Variants in ATAD3C observed in about 807,000 individuals in gnomAD.
ATAD3C encodes the protein ATPase family AAA domain-containing protein 3C.
Under a neutral mutation model 46.3 loss-of-function variants are expected in ATAD3C, and 38 were observed. That is an observed-to-expected ratio of 0.82 (90% confidence interval 0.63 to 1.08). The LOEUF is 1.08. Among genes scored for constraint, ATAD3C ranks in the 50% least tolerant of loss-of-function variants. The pLI is 0.00. For synonymous variants in ATAD3C, 220 were observed against 236.4 expected (o/e 0.93, Z 0.63); for missense variants, 563 against 572.7 (o/e 0.98, Z 0.17).
In ATAD3C at chr1:1,455,919, G is replaced by A. The variant is rs1638954060; in HGVS notation, c.564+3G>A. 6.2e-7 allele frequency: 1 copy of A among 1,613,092 alleles called. No homozygotes were observed. The highest frequency in any genetic ancestry group is 1.1e-5 in the South Asian group (1 of 91,008). Reference sequence around the variant, plus strand: ...CCGGGAAGACGCTGTTTGCCAAGGTGAGAGTGCCTAGCTGAACAGGTGGGC... The same window carrying A: ...CCGGGAAGACGCTGTTTGCCAAGGTAAGAGTGCCTAGCTGAACAGGTGGGC... On this transcript the variant is annotated splice_donor_region_variant and intron_variant, in intron 6 of 11. Transcript: ENST00000378785.
At chr1:1,457,356 A>G (rs1638981235) in intron 8 of ATAD3C, among the ~76,000 whole-genome samples, 176 bp downstream of exon 8, 1 of 151,798 alleles carries the variant, frequency 6.6e-6, no homozygotes, top group African/African-American at 2.4e-5. Flanking sequence ...GCACTTTGGG[A>G]GGCCGAGGCA....
chr1:1,456,863 C>T lies in ATAD3C; in HGVS notation c.690-266C>T, dbSNP rs112017988. 1.6e-3 allele frequency among the ~76,000 whole-genome samples: 236 copies of T among 151,354 alleles called. 3 individuals are homozygous for T. The highest frequency in any genetic ancestry group is 5.0e-3 in the African/African-American group (206 of 40,954). On this transcript the variant is annotated intron_variant, in intron 7 of 11. Coordinates refer to ENST00000378785, the MANE Select transcript of ATAD3C (RefSeq NM_001039211.3). ...TGGCACCCTCCCCTCTGGCCTTTGACCTTTCACTTTAGAAGACCTGTCCCT... is the reference window on the plus strand; with the variant it reads ...TGGCACCCTCCCCTCTGGCCTTTGATCTTTCACTTTAGAAGACCTGTCCCT...
At position 1,462,439 on chromosome 1, in the gene ATAD3C, C is replaced by A; in HGVS notation, c.981-161C>A. On this transcript the variant is annotated intron_variant, in intron 10 of 11. Transcript: ENST00000378785. This position sits in a 1 kb window ranked among gnomAD's most constrained non-coding sequence, Gnocchi z 4.5. Reference sequence around the variant, plus strand: ...CCCTTCCTGCTCAGCCCAGGCCTGGCTTGCGTCAGGAAGGGGGCGGAACTT... The same window carrying A: ...CCCTTCCTGCTCAGCCCAGGCCTGGATTGCGTCAGGAAGGGGGCGGAACTT... The A allele has an allele frequency of 1.3e-6, 1 of 754,216 alleles. No homozygotes were observed. The highest frequency in any genetic ancestry group is 2.2e-6 in the Non-Finnish European group (1 of 455,410). 46.7% of individuals were successfully genotyped at this position (754,216 alleles called of 1,614,324 possible).
intron 9 of ATAD3C, among the ~76,000 whole-genome samples, chr1:1,460,222 G>A (rs948960441): frequency 7.9e-5 from 12 of 151,842 alleles, no homozygotes; most frequent in African/African-American, 2.9e-4. Flanking sequence ...ACAGGCGTGC[G>A]CCACCACACC....
chr1:1,461,022 C>T, intron 10 of ATAD3C, 105 bp downstream of exon 10: 1 of 1,360,010 alleles, frequency 7.4e-7, no homozygotes, highest in Non-Finnish European at 9.8e-7. Flanking sequence ...CCAGGATGGG[C>T]ACCACCTCCC....
At chr1:1,468,100 C>T (rs1478210088) in intron 11 of ATAD3C, among the ~76,000 whole-genome samples, 1 of 152,054 alleles carries the variant, frequency 6.6e-6, no homozygotes, top group African/African-American at 2.4e-5. Context: ...CTCTGGGAAG[C>T]TGCCCTGGGT....
intron 11 of ATAD3C, among the ~76,000 whole-genome samples, chr1:1,464,022 T>G (rs1003204283): frequency 2.1e-4 from 32 of 150,498 alleles, no homozygotes; most frequent in African/African-American, 7.6e-4. Context: ...CTGGCCAACA[T>G]GTCGAACTCC....
At chr1:1,460,483 T>A (rs1188354172) in intron 9 of ATAD3C, among the ~76,000 whole-genome samples, 1 of 151,930 alleles carries the variant, frequency 6.6e-6, no homozygotes, top group Non-Finnish European at 1.5e-5. Flanking sequence ...GCACTGCCTA[T>A]CAGGCTGGGC....
intron 2 of ATAD3C, 57 bp downstream of exon 2, chr1:1,452,179 G>T (rs954570054): frequency 1.2e-6 from 2 of 1,600,410 alleles, no homozygotes; most frequent in African/African-American, 2.7e-5. Flanking sequence ...GGTGTGAGTC[G>T]CTGGTCCCAG....
In ATAD3C at chr1:1,462,804, G is replaced by A. The variant is rs952945402; in HGVS notation, c.1089+96G>A. 3.5e-6 allele frequency: 5 copies of A among 1,413,970 alleles called. No individual in the cohort carries two copies. In the East Asian group the frequency reaches 1.0e-4, roughly 29 times the overall value. The allele number at this position is 1,413,970 out of a possible 1,614,324, so 87.6% of individuals were successfully genotyped here. Reference sequence around the variant, plus strand: ...CCTGTCCCAGCACCGGTGTCACGTGGGAGCTTCTGTTGAGGGGTTTTCAGT... The same window carrying A: ...CCTGTCCCAGCACCGGTGTCACGTGAGAGCTTCTGTTGAGGGGTTTTCAGT... On this transcript the variant is annotated intron_variant, in intron 11 of 11. Coordinates refer to ENST00000378785, the MANE Select transcript of ATAD3C (RefSeq NM_001039211.3). The surrounding 1 kb of genome is among the most constrained non-coding windows in gnomAD (Gnocchi z 4.5).
At chr1:1,466,589 G>T (rs1256449228) in intron 11 of ATAD3C, among the ~76,000 whole-genome samples, 1 of 149,932 alleles carries the variant, frequency 6.7e-6, no homozygotes, top group Non-Finnish European at 1.5e-5. Context: ...TCCTGCAACA[G>T]TTGAGAGGGT....
At chr1:1,454,089 CA>C (rs1638908730) in intron 3 of ATAD3C, among the ~76,000 whole-genome samples, 4 of 152,070 alleles carry the variant, frequency 2.6e-5, no homozygotes, top group Non-Finnish European at 4.4e-5. Flanking sequence ...GCTCAGCGAC[CA>C]GAGCTTTGTA....
rs35672350 is a variant in ATAD3C at position 1,450,145 on chromosome 1, G to A, written c.-539G>A. On this transcript the variant is annotated 5_prime_UTR_variant, in exon 1 of 12. Transcript: ENST00000378785. The stretch of plus-strand genomic sequence containing the variant: ...AGATCGAGACCATCCTGGCTAACAC[G>A]GTGAAACCGTCTCTACTAAAACTAC... 7.9e-3 allele frequency: 1,211 copies of A among 153,596 alleles called. 23 individuals carry two copies. Among genetic ancestry groups the A allele is most frequent in the Non-Finnish European group, 0.012 (863 of 69,078 alleles). 9.5% of individuals were successfully genotyped at this position (153,596 alleles called of 1,614,324 possible). A position where few individuals can be genotyped will look rare whatever the true frequency, so the allele number is the denominator to read the frequency against.
chr1:1,461,334 C>T lies in ATAD3C; in HGVS notation c.980+417C>T, dbSNP rs536232121. Among the ~76,000 whole-genome samples the T allele has an allele frequency of 2.9e-4, 44 of 151,658 alleles. 1 individual carries two copies. The highest frequency in any genetic ancestry group is 1.0e-3 in the African/African-American group (43 of 41,214). On this transcript the variant is annotated intron_variant, in intron 10 of 11. Transcript: ENST00000378785. ...TCCTGAGTAGCTGGCATTATAGGTGCCCACGACCACGTCTGGCTACTTTTC... is the reference window on the plus strand; with the variant it reads ...TCCTGAGTAGCTGGCATTATAGGTGTCCACGACCACGTCTGGCTACTTTTC...
chr1:1,457,125 A>G lies in ATAD3C; in HGVS notation c.690-4A>G, dbSNP rs538995316. ...ACCCAGCTTGGCCTCCCTCTCGTCC[A>G]CAGCCTCCTGCTCTTTGTGGATGAA... On this transcript the variant is annotated splice_polypyrimidine_tract_variant and splice_region_variant and intron_variant, in intron 7 of 11. Coordinates refer to ENST00000378785, the MANE Select transcript of ATAD3C (RefSeq NM_001039211.3). 1.7e-5 allele frequency: 28 copies of G among 1,613,382 alleles called. 1 individual carries two copies. The East Asian group carries it at 5.3e-4, about 31-fold the overall frequency.
At chr1:1,461,565 G>C (rs540232559) in intron 10 of ATAD3C, among the ~76,000 whole-genome samples, 40 of 150,486 alleles carry the variant, frequency 2.7e-4, no homozygotes, top group South Asian at 4.2e-4. Context: ...CTGGCAGTGA[G>C]GGGAGGTGAC....
chr1:1,452,017 T>G, intron 1 of ATAD3C, 29 bp from the exon 2 acceptor site: 4 of 1,612,586 alleles, frequency 2.5e-6, no homozygotes, highest in Non-Finnish European at 3.4e-6. Context: ...TTTTAAAGGC[T>G]TTTCTCTTTT....
intron 3 of ATAD3C, among the ~76,000 whole-genome samples, chr1:1,453,469 T>C (rs1283647381): frequency 6.6e-6 from 1 of 151,930 alleles, no homozygotes; most frequent in Non-Finnish European, 1.5e-5. Context: ...CAGAAAGTGC[T>C]ATGATTACAG....
intron 11 of ATAD3C, among the ~76,000 whole-genome samples, chr1:1,465,709 T>C (rs1229234337): frequency 1.3e-5 from 2 of 151,756 alleles, no homozygotes; most frequent in African/African-American, 4.8e-5. Context: ...TTTTTTCCAA[T>C]ATGGATTCTA....
Sources: gnomAD v4.1 joint callset for allele counts (sites outside exome capture counted in the v4.1 genomes callset) on GRCh38, gnomAD v4.1.1 for gene constraint, Gnocchi (gnomAD v3.1) non-coding constraint, MANE v1.5 for transcripts, NCBI Gene and HGNC (gene_info 2026-07-23, HGNC 2026-07-21) for gene names.